NAV2: variants seen among roughly 807,000 people sequenced by gnomAD.
NAV2 encodes the protein helicase, APC down-regulated 1.
NAV2 carries 54 observed loss-of-function variants against 223.2 expected under a neutral mutation model. That is an observed-to-expected ratio of 0.24 (90% CI 0.19 to 0.30). The LOEUF is 0.30. NAV2 is among the 10% of genes least tolerant of loss of function. The pLI is 1.00. For synonymous variants in NAV2, 1,279 were observed against 1,239.3 expected, an observed-to-expected ratio of 1.03 and a Z score of -0.67; for missense variants, 2,806 against 3,147.5, an observed-to-expected ratio of 0.89 and a Z score of 2.60.
intron 1 of NAV2, among the ~76,000 whole-genome samples, chr11:19,517,975 T>G (rs1171968586): frequency 6.6e-6 from 1 of 152,254 alleles, no homozygotes; most frequent in Non-Finnish European, 1.5e-5. Context: ...AAACTGTGCT[T>G]TGTAAAAATA....
intron 1 of NAV2, among the ~76,000 whole-genome samples, chr11:19,645,264 T>A (rs980732421): frequency 1.3e-5 from 2 of 152,176 alleles, no homozygotes; most frequent in Non-Finnish European, 2.9e-5. Flanking sequence ...TGAGCCTCCC[T>A]CATGCTGCAT....
At chr11:19,530,390 T>A (rs891410092) in intron 1 of NAV2, among the ~76,000 whole-genome samples, 1 of 152,186 alleles carries the variant, frequency 6.6e-6, no homozygotes. Flanking sequence ...AGCATTTGCT[T>A]AGAATTGGCT....
At chr11:19,513,204 T>G (rs960860048) in intron 1 of NAV2, among the ~76,000 whole-genome samples, 1 of 152,240 alleles carries the variant, frequency 6.6e-6, no homozygotes, top group African/African-American at 2.4e-5. Flanking sequence ...GTTTCACGTT[T>G]CTTTATCTCT....
chr11:19,703,791 G>T (rs529444118), intron 1 of NAV2, among the ~76,000 whole-genome samples: 4 of 152,246 alleles, frequency 2.6e-5, no homozygotes, highest in South Asian at 4.2e-4. Flanking sequence ...TTTTCAATTC[G>T]TCTGCACCCA....
chr11:19,554,628 A>C (rs1261988238), intron 1 of NAV2, among the ~76,000 whole-genome samples: 1 of 152,066 alleles, frequency 6.6e-6, no homozygotes, highest in Non-Finnish European at 1.5e-5. Flanking sequence ...TCGTCTATAA[A>C]ATGAGGGAGT....
chr11:19,667,286 T>G (rs991899207), intron 1 of NAV2, among the ~76,000 whole-genome samples: 4 of 152,216 alleles, frequency 2.6e-5, no homozygotes, highest in Non-Finnish European at 4.4e-5. Context: ...TTGTAGACTC[T>G]GGGGATTGAA....
chr11:19,530,017 C>A (rs1185773077), intron 1 of NAV2, among the ~76,000 whole-genome samples: 1 of 152,118 alleles, frequency 6.6e-6, no homozygotes, highest in African/African-American at 2.4e-5. Flanking sequence ...TGTCTCCCTT[C>A]CCCCAGTGGA....
At position 19,456,819 on chromosome 11, in the gene NAV2, G is replaced by C. The variant is rs138970621; in HGVS notation, c.75+105792G>C. Among the ~76,000 whole-genome samples the C allele has an allele frequency of 8.4e-3, 1,285 of 152,280 alleles. 18 individuals are homozygous for C. The highest frequency in any genetic ancestry group is 0.029 in the African/African-American group (1,204 of 41,556). On this transcript the variant is annotated intron_variant, in intron 1 of 37. Transcript: ENST00000360655. ...TGCAGTTTCCTGTTATGGCTGGACTGCTCCTTCCCAGGACTAGACTCTCCT... is the reference window on the plus strand; with the variant it reads ...TGCAGTTTCCTGTTATGGCTGGACTCCTCCTTCCCAGGACTAGACTCTCCT...
intron 1 of NAV2, among the ~76,000 whole-genome samples, chr11:19,779,731 A>G (rs527667575): frequency 1.3e-5 from 2 of 152,346 alleles, no homozygotes; most frequent in South Asian, 4.1e-4. Flanking sequence ...GTTAAATGGG[A>G]ACTATCATTA....
chr11:19,465,906 A>C (rs116157380), intron 1 of NAV2, among the ~76,000 whole-genome samples: 271 of 152,326 alleles, frequency 1.8e-3, no homozygotes, highest in African/African-American at 6.4e-3. Flanking sequence ...CTCAGAAGGG[A>C]ATCAGTAGAG....
intron 8 of NAV2, among the ~76,000 whole-genome samples, chr11:19,944,623 CT>C (rs1307226531): frequency 1.7e-5 from 2 of 119,324 alleles, no homozygotes; most frequent in Non-Finnish European, 3.6e-5. Context: ...CTTTCTTTTT[CT>C]TTTTTCTTTC....
chr11:19,761,361 T>C (rs1291303303), intron 1 of NAV2, among the ~76,000 whole-genome samples: 1 of 152,136 alleles, frequency 6.6e-6, no homozygotes. Flanking sequence ...CAAAAATAAG[T>C]TTATTTCAGT....
At chr11:19,890,381 C>T (rs1441026974) in intron 5 of NAV2, among the ~76,000 whole-genome samples, 2 of 152,230 alleles carry the variant, frequency 1.3e-5, no homozygotes, top group African/African-American at 4.8e-5. Context: ...TAAAAATCTG[C>T]TGTGGTTCAG....
intron 1 of NAV2, among the ~76,000 whole-genome samples, chr11:19,581,926 T>G (rs1336889216): frequency 1.3e-5 from 2 of 152,216 alleles, no homozygotes; most frequent in African/African-American, 4.8e-5. Context: ...TCTAGATCCA[T>G]GAGGAATTGC....
chr11:19,805,589 T>C (rs1055527053), intron 1 of NAV2, among the ~76,000 whole-genome samples: 1 of 152,216 alleles, frequency 6.6e-6, no homozygotes, highest in Non-Finnish European at 1.5e-5. Context: ...CTATTTATGG[T>C]TCCTATTGAC....
intron 11 of NAV2, among the ~76,000 whole-genome samples, chr11:20,020,404 C>A (rs1274141777): frequency 4.6e-5 from 7 of 152,302 alleles, no homozygotes; most frequent in African/African-American, 1.7e-4. Flanking sequence ...AATGACAGAG[C>A]AATCCTGGCT....
intron 1 of NAV2, chr11:19,778,436 G>A (rs1271185837): frequency 6.7e-6 from 3 of 448,810 alleles, no homozygotes; most frequent in African/African-American, 6.1e-5. Context: ...GTAAGAAATA[G>A]GTATGATTAA....
chr11:19,495,996 T>C (rs547286331), intron 1 of NAV2, among the ~76,000 whole-genome samples: 142 of 152,260 alleles, frequency 9.3e-4, no homozygotes, highest in African/African-American at 3.2e-3. Context: ...CCCACCTCCC[T>C]TCTGACACAG....
upstream of NAV2, chr11:19,712,001 C>T (rs1450618520): frequency 2.0e-5 from 3 of 152,300 alleles, no homozygotes; most frequent in Non-Finnish European, 4.4e-5. Context: ...GCCTGATCAT[C>T]TCTCAGTTTC....
Sources: allele counts gnomAD v4.1 joint callset (sites outside exome capture counted in the v4.1 genomes callset), GRCh38; gene constraint gnomAD v4.1.1; transcripts MANE v1.5; gene names NCBI Gene and HGNC (gene_info 2026-07-23, HGNC 2026-07-21).